GRK7: variants seen among roughly 807,000 people sequenced by gnomAD.
GRK7 encodes rhodopsin kinase GRK7.
A neutral mutation model predicts 34.1 loss-of-function variants in GRK7; 24 were observed. The observed-to-expected ratio is 0.70, with a 90% CI of 0.51 to 0.99. The LOEUF is 0.99. Ranked by LOEUF, GRK7 falls within the 50% of genes least tolerant of loss-of-function variation. GRK7 has a pLI of 0.00. For missense variants in GRK7, 644 were observed against 707.3 expected (o/e 0.91, Z 1.02); for synonymous variants, 256 against 279.4 (o/e 0.92, Z 0.84).
chr3:141,814,786 G>A (rs1019143823), intron 5 of GRK7, among the ~76,000 whole-genome samples: 29 of 152,122 alleles, frequency 1.9e-4, no homozygotes, highest in Non-Finnish European at 1.2e-4. Context: ...TTAGTTCTTC[G>A]AGAACTCTCC....
Position 141,816,924 on chromosome 3 carries a change from T to C in GRK7, c.1536T>C (p.Ala512=). The stretch of plus-strand genomic sequence containing the variant: ...TCTTCAAAAACTTTGCGACAGGTGC[T>C]GTTCCTATAGCATGGCAGGAAGAAA... The part of the protein sequence containing the change: ...KQFFKNFATG[A]VPIAWQEEII... The change falls in exon 6 of 6, where the codon GCT becomes GCC. Residue 512 remains alanine, a synonymous_variant. Coordinates refer to ENST00000682958, the MANE Select transcript of GRK7 (RefSeq NM_139209.3). 6.2e-7 allele frequency: 1 copy of C among 1,614,170 alleles called. No homozygotes were observed. The highest frequency in any genetic ancestry group is 8.5e-7 in the Non-Finnish European group (1 of 1,180,002).
chr3:141,777,491 A>ATGTTTTTTTTTTTTTTTTTT (rs1553735131), intron 2 of GRK7, among the ~76,000 whole-genome samples: 1 of 80,594 alleles, frequency 1.2e-5, no homozygotes, highest in Non-Finnish European at 2.3e-5. Flanking sequence ...AGCCCGGCTA[A>ATGTTTTTTTTTTTTTTTTTT]TTTTTTTTTT....
the GRK7 span, among the ~76,000 whole-genome samples, chr3:141,751,977 C>CT: frequency 7.2e-5 from 11 of 152,168 alleles, no homozygotes; most frequent in African/African-American, 2.7e-4. Context: ...TTCTGCATAC[C>CT]TTCAAAAGAT....
At chr3:141,756,329 T>C in the GRK7 span, among the ~76,000 whole-genome samples, 5 of 148,914 alleles carry the variant, frequency 3.4e-5, no homozygotes, top group African/African-American at 1.2e-4. Context: ...AAAAAAAAGG[T>C]GGGGGGGTGA....
intron 4 of GRK7, among the ~76,000 whole-genome samples, chr3:141,795,580 G>A (rs1047752401): frequency 2.0e-5 from 3 of 152,108 alleles, no homozygotes; most frequent in East Asian, 1.9e-4. Context: ...TTGCACAAGG[G>A]GAGTTTGAAC....
chr3:141,797,542 T>C (rs1450313479), intron 4 of GRK7, among the ~76,000 whole-genome samples: 1 of 152,238 alleles, frequency 6.6e-6, no homozygotes, highest in Non-Finnish European at 1.5e-5. Flanking sequence ...TTTTTTCCTC[T>C]GCTCAACAGT....
At position 141,780,609 on chromosome 3, in the gene GRK7, T is replaced by G; in HGVS notation, c.848T>G (p.Val283Gly). Residue 283 changes from valine to glycine, a missense_variant, in exon 4 of 6, where the codon GTG becomes GGG. Transcript: ENST00000682958. ...GACCTCAAGTTCCACATCTACAACG[T>G]GGGCACGCGTGGCCTGGACATGAGC... Reference protein sequence around the residue: ...GGDLKFHIYNVGTRGLDMSRV... With the variant: ...GGDLKFHIYNGGTRGLDMSRV... 1 of 1,614,224 alleles carries G rather than the reference T, an allele frequency of 6.2e-7. No homozygotes were observed. The highest frequency in any genetic ancestry group is 8.5e-7 in the Non-Finnish European group (1 of 1,180,038).
Position 141,816,765 on chromosome 3 carries a change from T to C in GRK7, c.1377T>C (p.Phe459=). ...ATCATTTCTTTAAAACGATCAACTT[T>C]CCTCGCCTGGAAGCTGGCCTAATTG... The part of the protein sequence containing the change: ...RKHHFFKTIN[F]PRLEAGLIEP... The change falls in exon 6 of 6, where the codon TTT becomes TTC. Residue 459 remains phenylalanine, a synonymous_variant. Coordinates refer to ENST00000682958, the MANE Select transcript of GRK7 (RefSeq NM_139209.3). The C allele has an allele frequency of 6.4e-7, 1 of 1,570,702 alleles. No individual in the cohort carries two copies. Among genetic ancestry groups the C allele is most frequent in the Non-Finnish European group, 8.6e-7 (1 of 1,159,068 alleles).
chr3:141,808,814 T>G (rs1459902473), intron 5 of GRK7, among the ~76,000 whole-genome samples: 1 of 152,170 alleles, frequency 6.6e-6, no homozygotes, highest in East Asian at 1.9e-4. Flanking sequence ...TTTTACAAGA[T>G]GAAGAGTTCT....
chr3:141,789,657 A>C (rs553243315), intron 4 of GRK7, among the ~76,000 whole-genome samples: 5 of 17,058 alleles, frequency 2.9e-4, no homozygotes, highest in African/African-American at 1.1e-3. Flanking sequence ...CCAAATGGGC[A>C]AAAAAAAAAA....
At chr3:141,779,879 A>G (rs2084662522) in intron 3 of GRK7, among the ~76,000 whole-genome samples, 1 of 152,208 alleles carries the variant, frequency 6.6e-6, no homozygotes, top group Admixed American at 6.5e-5. Context: ...ATAATATTCC[A>G]TTGTATGGAT....
chr3:141,790,024 C>T (rs2084716202), intron 4 of GRK7, among the ~76,000 whole-genome samples: 1 of 152,174 alleles, frequency 6.6e-6, no homozygotes, highest in Non-Finnish European at 1.5e-5. Context: ...TTGTTTGAGA[C>T]AGAGTCTCAC....
chr3:141,773,125 G>A (rs1367274504), intron 1 of GRK7, among the ~76,000 whole-genome samples: 1 of 114,986 alleles, frequency 8.7e-6, no homozygotes, highest in Non-Finnish European at 1.7e-5. Flanking sequence ...AACAGAGCGA[G>A]ACTTTGTCTC....
At chr3:141,753,483 T>C in the GRK7 span, among the ~76,000 whole-genome samples, 1 of 152,306 alleles carries the variant, frequency 6.6e-6, no homozygotes, top group East Asian at 1.9e-4. Flanking sequence ...AGGCATTAGT[T>C]AGATTCTCAT....
chr3:141,786,968 G>A (rs1456854752), intron 4 of GRK7, among the ~76,000 whole-genome samples: 1 of 152,120 alleles, frequency 6.6e-6, no homozygotes, highest in Non-Finnish European at 1.5e-5. Flanking sequence ...AGCAAGGTGT[G>A]TAGGTGGACT....
intron 4 of GRK7, 54 bp downstream of exon 4, chr3:141,780,865 G>A: frequency 6.7e-7 from 1 of 1,490,888 alleles, no homozygotes; most frequent in South Asian, 1.3e-5. Context: ...GAAAGGAGGG[G>A]AGAGGGCTTT....
intron 4 of GRK7, among the ~76,000 whole-genome samples, chr3:141,798,467 A>C (rs1475852059): frequency 1.3e-5 from 2 of 152,092 alleles, no homozygotes; most frequent in African/African-American, 2.4e-5. Flanking sequence ...ACACACACAC[A>C]CCCACACACC....
At position 141,780,381 on chromosome 3, in the gene GRK7, C is replaced by T. The variant is rs781303819; in HGVS notation, c.620C>T (p.Ala207Val). Residue 207 changes from alanine to valine, a missense_variant, in exon 4 of 6, where the codon GCC (alanine) becomes GTC (valine). By Grantham distance (64) the Ala-to-Val change is moderately conservative (BLOSUM62 0). Coordinates refer to ENST00000682958, the MANE Select transcript of GRK7 (RefSeq NM_139209.3). ...TTTTCTTTCTCCTTTAAGGTATGTG[C>T]CGTCCAGGTGAAAAACACTGGGAAG... ...LGKGGFGEVC[A>V]VQVKNTGKMY... is the part of the protein sequence containing the mutation. 1 of 1,613,606 alleles carries T rather than the reference C, an allele frequency of 6.2e-7. No individual in the cohort carries two copies. Among genetic ancestry groups the T allele is most frequent in the Middle Eastern group, 1.6e-4 (1 of 6,062 alleles).
the GRK7 span, among the ~76,000 whole-genome samples, chr3:141,750,780 T>A: frequency 7.0e-6 from 1 of 143,684 alleles, no homozygotes; most frequent in Non-Finnish European, 1.5e-5. Context: ...TTTTTTTTTT[T>A]AACTACCCTA....
Sources: allele counts gnomAD v4.1 joint callset (sites outside exome capture counted in the v4.1 genomes callset), GRCh38; gene constraint gnomAD v4.1.1; transcripts MANE v1.5; gene names NCBI Gene and HGNC (gene_info 2026-07-23, HGNC 2026-07-21).